The following PTBP3 variants were observed in gnomAD, a reference collection of about 807,000 sequenced individuals.
The protein encoded by PTBP3 is polypyrimidine tract binding protein 3.
In PTBP3, 20 loss-of-function variants were observed where a neutral mutation model predicts 58.7. The ratio of observed to expected loss-of-function variants is 0.34; its 90% CI spans 0.24 to 0.50. PTBP3 has a LOEUF of 0.50. Among genes scored for constraint, PTBP3 ranks in the 20% least tolerant of loss-of-function variants. PTBP3 has a pLI of 0.98. For missense variants in PTBP3, 509 were observed against 637.2 expected, an observed-to-expected ratio of 0.80 and a Z score of 2.17; for synonymous variants, 185 against 219.8, an observed-to-expected ratio of 0.84 and a Z score of 1.40.
chr9:112,220,143 A>ACACAT lies in PTBP3; in HGVS notation c.*3707_*3708insATGTG. ...CAGTACACATTAGGTTTTCTAAGGGATAGGTGGGGAAAAACACATGTACTT... is the reference window on the plus strand; with the variant it reads ...CAGTACACATTAGGTTTTCTAAGGGACACATTAGGTGGGGAAAAACACATGTACTT... On this transcript the variant is annotated 3_prime_UTR_variant, in exon 14 of 14. Coordinates refer to ENST00000374257, the MANE Select transcript of PTBP3 (RefSeq NM_001163788.4). 1 of 1,304,262 alleles carries ACACAT rather than the reference A, an allele frequency of 7.7e-7. No individual in the cohort carries two copies. The highest frequency in any genetic ancestry group is 1.0e-6 in the Non-Finnish European group (1 of 996,712). The allele number at this position is 1,304,262 out of a possible 1,614,324, so 80.8% of individuals were successfully genotyped here.
At chr9:112,262,726 G>A in intron 4 of PTBP3, 127 bp from the exon 5 acceptor site, 1 of 761,318 alleles carries the variant, frequency 1.3e-6, no homozygotes, top group Non-Finnish European at 1.8e-6. Context: ...TACTCCGTCT[G>A]GAGATACATA....
In PTBP3 at chr9:112,231,402, T is replaced by G; in HGVS notation, c.1032A>C (p.Pro344=). ...TACCAAATAGGATAAAAAGCCCATG[T>G]GGTGTGATAAGCTGTAAAGGGTAAC... is the stretch of plus-strand genomic sequence containing the variant. ...VTNLNPDLIT[P]HGLFILFGVY... The change falls in exon 10 of 14, where the codon CCA becomes CCC. Residue 344 remains proline (P), a synonymous_variant. Transcript: ENST00000374257. 1.3e-6 allele frequency: 2 copies of G among 1,596,808 alleles called. No individual in the cohort carries two copies. Among genetic ancestry groups the G allele is most frequent in the Non-Finnish European group, 1.7e-6 (2 of 1,169,912 alleles).
chr9:112,325,919 G>A (rs4979102), intron 1 of PTBP3, among the ~76,000 whole-genome samples: 127,844 of 152,164 alleles, frequency 0.84, 54,003 homozygotes, highest in African/African-American at 0.92. Context: ...TCAGGAGGCC[G>A]AGGCAGGAGG....
chr9:112,290,878 C>T (rs542472443), intron 2 of PTBP3, among the ~76,000 whole-genome samples: 1 of 151,846 alleles, frequency 6.6e-6, no homozygotes, highest in Non-Finnish European at 1.5e-5. Flanking sequence ...CTTCTAGACA[C>T]ATACCAAGTA....
the PTBP3 span, among the ~76,000 whole-genome samples, chr9:112,355,749 AGTT>A: frequency 1.9e-4 from 29 of 149,458 alleles, no homozygotes; most frequent in African/African-American, 5.7e-4. Context: ...CCTCCTGAGT[AGTT>A]GTGATTACAG....
At chr9:112,316,883 A>C (rs2132418552) in intron 1 of PTBP3, among the ~76,000 whole-genome samples, 1 of 152,120 alleles carries the variant, frequency 6.6e-6, no homozygotes, top group East Asian at 1.9e-4. Context: ...GAGGCAGGAA[A>C]ATCGCTTGAA....
chr9:112,359,860 A>G, the PTBP3 span, among the ~76,000 whole-genome samples: 1 of 152,162 alleles, frequency 6.6e-6, no homozygotes, highest in Non-Finnish European at 1.5e-5. Context: ...ACAAGTTTCA[A>G]AACAATACAA....
intron 1 of PTBP3, among the ~76,000 whole-genome samples, chr9:112,299,066 CTG>C (rs1482683925): frequency 9.9e-5 from 15 of 152,126 alleles, no homozygotes; most frequent in African/African-American, 3.6e-4. Context: ...AATTAACAGA[CTG>C]TGGTTTGCTG....
chr9:112,248,382 T>C (rs1256326446), intron 7 of PTBP3, among the ~76,000 whole-genome samples: 1 of 151,986 alleles, frequency 6.6e-6, no homozygotes, highest in Non-Finnish European at 1.5e-5. Flanking sequence ...ACAAAAGAAT[T>C]GCACAGGGAT....
At chr9:112,376,340 G>A in the PTBP3 span, among the ~76,000 whole-genome samples, 4 of 129,114 alleles carry the variant, frequency 3.1e-5, no homozygotes, top group African/African-American at 1.2e-4. Flanking sequence ...TGCAACCTCC[G>A]CCTCCCAGGT....
At chr9:112,333,771 C>T (rs1830492764), upstream of PTBP3, 1 of 290,516 alleles carries the variant, frequency 3.4e-6, no homozygotes, top group Non-Finnish European at 6.3e-6. Flanking sequence ...CCACCCTCGC[C>T]CCGCTGGCAG....
In PTBP3 at chr9:112,227,503, G is replaced by A; in HGVS notation, c.1272C>T (p.Ser424=). The part of the protein sequence containing the change: ...QEDQGLTKDF[S]NSPLHRFKKP... ...TTTTAAAGCGATGCAAAGGACTATT[G>A]CTGAAATCCTTAGTCAGACCTTGGT... Residue 424 remains serine, a synonymous_variant, in exon 12 of 14, where the codon AGC becomes AGT. Transcript: ENST00000374257. The A allele has an allele frequency of 1.2e-6, 2 of 1,613,980 alleles. No homozygotes were observed. Among genetic ancestry groups the A allele is most frequent in the Non-Finnish European group, 1.7e-6 (2 of 1,179,920 alleles).
intron 1 of PTBP3, among the ~76,000 whole-genome samples, chr9:112,320,090 T>C (rs1829856303): frequency 6.6e-6 from 1 of 151,758 alleles, no homozygotes; most frequent in Non-Finnish European, 1.5e-5. Flanking sequence ...GAGAGATCAA[T>C]TGTTTAACAT....
At chr9:112,357,763 T>C in the PTBP3 span, among the ~76,000 whole-genome samples, 2 of 152,178 alleles carry the variant, frequency 1.3e-5, no homozygotes, top group Admixed American at 1.3e-4. Flanking sequence ...ACTTTCTTTC[T>C]ATTTTTTTAT....
At chr9:112,373,983 T>C in the PTBP3 span, among the ~76,000 whole-genome samples, 1 of 152,194 alleles carries the variant, frequency 6.6e-6, no homozygotes, top group African/African-American at 2.4e-5. Context: ...GGTCGTGGTT[T>C]TTTTTTCCTG....
chr9:112,243,965 A>C (rs1835765053), intron 7 of PTBP3, among the ~76,000 whole-genome samples: 1 of 152,154 alleles, frequency 6.6e-6, no homozygotes, highest in Non-Finnish European at 1.5e-5. Context: ...TATGGTTCTT[A>C]GACACCACAC....
intron 2 of PTBP3, among the ~76,000 whole-genome samples, chr9:112,281,581 A>G (rs1827870225): frequency 6.6e-6 from 1 of 152,212 alleles, no homozygotes; most frequent in African/African-American, 2.4e-5. Context: ...GAAAAAGTGG[A>G]AAGTGTTCCC....
At chr9:112,248,393 G>A (rs1835969463) in intron 7 of PTBP3, among the ~76,000 whole-genome samples, 1 of 152,130 alleles carries the variant, frequency 6.6e-6, no homozygotes, top group African/African-American at 2.4e-5. Flanking sequence ...GCACAGGGAT[G>A]GGGGCGAGAG....
At chr9:112,277,149 T>C (rs957195345) in intron 2 of PTBP3, among the ~76,000 whole-genome samples, 1 of 152,172 alleles carries the variant, frequency 6.6e-6, no homozygotes, top group African/African-American at 2.4e-5. Flanking sequence ...TACAACTAGA[T>C]AGGTTGACTT....
Sources: gnomAD v4.1 joint callset for allele counts (sites outside exome capture counted in the v4.1 genomes callset) on GRCh38, gnomAD v4.1.1 for gene constraint, MANE v1.5 for transcripts, NCBI Gene and HGNC (gene_info 2026-07-23, HGNC 2026-07-21) for gene names.